The following DOCK1 variants were observed in gnomAD, a reference collection of about 807,000 sequenced individuals.
DOCK1 encodes the protein dedicator of cytokinesis 1.
Under a neutral mutation model 262.7 loss-of-function variants are expected in DOCK1, and 138 were observed. The observed-to-expected ratio is 0.53, with a 90% CI of 0.46 to 0.61. The LOEUF (loss-of-function observed/expected upper bound fraction) is 0.61, where lower values mean the gene tolerates loss of function less well. Among genes scored for constraint, DOCK1 ranks in the 20% least tolerant of loss-of-function variants. DOCK1 has a pLI of 0.00. For missense variants in DOCK1, 1,908 were observed against 2,370.7 expected (o/e 0.80, Z 4.05); for synonymous variants, 866 against 867.4 (o/e 1.00, Z 0.03).
chr10:127,348,484 C>A lies in DOCK1; in HGVS notation c.3224+4738C>A, dbSNP rs115651328. 5.4e-3 allele frequency among the ~76,000 whole-genome samples: 827 copies of A among 152,268 alleles called. 13 individuals are homozygous for A. Among genetic ancestry groups the A allele is most frequent in the African/African-American group, 0.019 (783 of 41,534 alleles). On this transcript the variant is annotated intron_variant, in intron 31 of 51. Transcript: ENST00000623213. ...TCAGGACCGGAAGAGGAACAGGGTT[C>A]ATGAATTGGGCCTCCCACATATCTA...
At chr10:127,234,537 T>TG (rs2058975503) in intron 27 of DOCK1, among the ~76,000 whole-genome samples, 1 of 152,146 alleles carries the variant, frequency 6.6e-6, no homozygotes, top group African/African-American at 2.4e-5. Context: ...GAGAGACAGT[T>TG]TGCATGTCTA....
chr10:127,345,287 A>G (rs181233001), intron 31 of DOCK1, among the ~76,000 whole-genome samples: 257 of 152,274 alleles, frequency 1.7e-3, no homozygotes, highest in Admixed American at 3.0e-3. Flanking sequence ...TTTCTTCTAT[A>G]ATCATTAAAA....
chr10:127,247,239 G>A (rs1351762303), intron 27 of DOCK1, among the ~76,000 whole-genome samples: 5 of 152,114 alleles, frequency 3.3e-5, no homozygotes, highest in African/African-American at 1.2e-4. Context: ...GATTTTCTGT[G>A]TTGCTTTCTT....
intron 27 of DOCK1, among the ~76,000 whole-genome samples, chr10:127,232,453 G>A (rs935392436): frequency 1.3e-5 from 2 of 152,072 alleles, no homozygotes; most frequent in Non-Finnish European, 2.9e-5. Context: ...GTGGGGCTGG[G>A]GCACTCATCA....
intron 14 of DOCK1, among the ~76,000 whole-genome samples, chr10:127,023,782 G>T (rs1335605582): frequency 6.6e-6 from 1 of 152,146 alleles, no homozygotes; most frequent in Non-Finnish European, 1.5e-5. Context: ...TTATCGTGGA[G>T]TCTCATTTGC....
At chr10:127,350,919 CTTG>C (rs1261977689) in intron 31 of DOCK1, among the ~76,000 whole-genome samples, 6 of 152,180 alleles carry the variant, frequency 3.9e-5, no homozygotes, top group Non-Finnish European at 7.3e-5. Context: ...TCATCACTCT[CTTG>C]TTGTTCACAA....
At chr10:127,448,237 G>C (rs536912815) in intron 51 of DOCK1, among the ~76,000 whole-genome samples, 1 of 152,168 alleles carries the variant, frequency 6.6e-6, no homozygotes, top group African/African-American at 2.4e-5. Context: ...CCTCTTCAGC[G>C]TGAGTCCCTG....
intron 27 of DOCK1, among the ~76,000 whole-genome samples, chr10:127,204,278 C>G (rs2057612095): frequency 1.3e-5 from 2 of 152,116 alleles, no homozygotes; most frequent in South Asian, 4.1e-4. Context: ...ACTTGAAAAT[C>G]TGTTTTGTTT....
chr10:127,337,900 G>A (rs543986588), intron 29 of DOCK1, among the ~76,000 whole-genome samples: 5 of 152,322 alleles, frequency 3.3e-5, no homozygotes, highest in East Asian at 3.9e-4. Context: ...GGTGATGGGC[G>A]GGAGGTGGTG....
intron 27 of DOCK1, among the ~76,000 whole-genome samples, chr10:127,131,682 CTG>C (rs2050337348): frequency 7.1e-6 from 1 of 140,026 alleles, no homozygotes; most frequent in Non-Finnish European, 1.6e-5. Flanking sequence ...AGTCGTTGCT[CTG>C]TGAATTTAGA....
In DOCK1 at chr10:127,017,190, TACAC is replaced by T. The variant is rs139971076; in HGVS notation, c.1202-1517_1202-1514del. Among the ~76,000 whole-genome samples, 5 of 149,066 alleles carry T rather than the reference TACAC, an allele frequency of 3.4e-5. No homozygotes were observed. In the East Asian group the frequency reaches 1.0e-3, roughly 31 times the overall value. On this transcript the variant is annotated intron_variant, in intron 12 of 51. Transcript: ENST00000623213. ...CACACACACACAGATACACCACACATACACACGCACACACAGATGCAGACACCAT... is the reference window on the plus strand; with the variant it reads ...CACACACACACAGATACACCACACATACGCACACACAGATGCAGACACCAT...
At chr10:127,066,647 A>G (rs1461137025) in intron 23 of DOCK1, among the ~76,000 whole-genome samples, 1 of 152,174 alleles carries the variant, frequency 6.6e-6, no homozygotes, top group African/African-American at 2.4e-5. Context: ...GAGCCTCCTG[A>G]GGGTTAGCTC....
At chr10:127,375,469 A>G (rs1444047896) in intron 35 of DOCK1, among the ~76,000 whole-genome samples, 2 of 152,086 alleles carry the variant, frequency 1.3e-5, no homozygotes, top group Non-Finnish European at 1.5e-5. Flanking sequence ...TGCCACATCC[A>G]CCCCTTGTGT....
At chr10:127,244,899 GA>G (rs1046518044) in intron 27 of DOCK1, among the ~76,000 whole-genome samples, 1 of 152,106 alleles carries the variant, frequency 6.6e-6, no homozygotes, top group African/African-American at 2.4e-5. Flanking sequence ...CTTCATTTAG[GA>G]GTCATCTCCC....
chr10:127,245,454 C>T (rs1168815238), intron 27 of DOCK1, among the ~76,000 whole-genome samples: 4 of 152,216 alleles, frequency 2.6e-5, no homozygotes, highest in African/African-American at 7.2e-5. Context: ...TAATCCCCAT[C>T]GCAGTTAAAC....
intron 49 of DOCK1, among the ~76,000 whole-genome samples, chr10:127,443,713 C>T (rs189427897): frequency 3.5e-3 from 537 of 152,238 alleles, no homozygotes; most frequent in African/African-American, 0.012. Flanking sequence ...TCATCCCTTG[C>T]CCTGTTTCCC....
intron 30 of DOCK1, among the ~76,000 whole-genome samples, chr10:127,339,732 T>TGTGTGTGTGTGC (rs1243468884): frequency 2.5e-5 from 1 of 40,336 alleles, no homozygotes; most frequent in Admixed American, 3.4e-4. Context: ...TGTGTGTGTG[T>TGTGTGTGTGTGC]GTGCATGCTG....
chr10:126,926,882 T>C (rs554386799), intron 1 of DOCK1, among the ~76,000 whole-genome samples: 1 of 152,330 alleles, frequency 6.6e-6, no homozygotes, highest in South Asian at 2.1e-4. Context: ...ACATCTGGCC[T>C]CTGAAACTGT....
chr10:127,197,455 C>G (rs1343464384), intron 27 of DOCK1, among the ~76,000 whole-genome samples: 1 of 152,170 alleles, frequency 6.6e-6, no homozygotes, highest in Non-Finnish European at 1.5e-5. Flanking sequence ...GCCTGTCAGG[C>G]CCTGGGGTCT....
Sources: allele counts gnomAD v4.1 joint callset (sites outside exome capture counted in the v4.1 genomes callset), GRCh38; gene constraint gnomAD v4.1.1; transcripts MANE v1.5; gene names NCBI Gene and HGNC (gene_info 2026-07-23, HGNC 2026-07-21).